MAP7D2: variants seen among roughly 807,000 people sequenced by gnomAD.
MAP7D2 encodes the protein MAP7 domain-containing protein 2.
Under a neutral mutation model 63.5 loss-of-function variants are expected in MAP7D2, and 33 were observed. That is an observed-to-expected ratio of 0.52 (90% CI 0.39 to 0.70). The LOEUF is 0.70. Among genes scored for constraint, MAP7D2 ranks in the 30% least tolerant of loss-of-function variants. The pLI is 0.00. For missense variants in MAP7D2, 626 were observed against 604.0 expected (o/e 1.04, Z -0.38); for synonymous variants, 224 against 223.7 (o/e 1.00, Z -0.01).
intron 1 of MAP7D2, among the ~76,000 whole-genome samples, chrX:20,090,843 G>A (rs1265775608): frequency 9.0e-6 from 1 of 110,922 alleles, no homozygotes; most frequent in East Asian, 2.8e-4. Flanking sequence ...ATGGTGGCAC[G>A]TGACTATGGT....
intron 1 of MAP7D2, among the ~76,000 whole-genome samples, chrX:20,081,438 G>A (rs1603393959): frequency 8.9e-6 from 1 of 111,991 alleles, no homozygotes; most frequent in Non-Finnish European, 1.9e-5. Flanking sequence ...TCTTGAGTAT[G>A]AGCAAGCCAA....
rs1208747143 is a variant in MAP7D2, at chrX:20,094,516, GTATATATATA to G, written c.130+22224_130+22233del. On this transcript the variant is annotated intron_variant, in intron 1 of 16. Coordinates refer to ENST00000379643, the MANE Select transcript of MAP7D2 (RefSeq NM_001168465.2). ...TATATATATATATATATATATATATGTATATATATATATATATATATATATGTATATATAT... is the reference window on the plus strand; with the variant it reads ...TATATATATATATATATATATATATGTATATATATATATATGTATATATAT... 4.2e-4 allele frequency among the ~76,000 whole-genome samples: 5 copies of G among 11,884 alleles called. 2 individuals are homozygous for G. The highest frequency in any genetic ancestry group is 5.7e-4 in the Non-Finnish European group (5 of 8,698). 10.3% of individuals were successfully genotyped at this position (11,884 alleles called of 115,157 possible).
intron 1 of MAP7D2, among the ~76,000 whole-genome samples, chrX:20,105,474 T>A (rs775273659): frequency 9.0e-6 from 1 of 111,578 alleles, no homozygotes; most frequent in South Asian, 3.8e-4. Context: ...AGGCCATCTG[T>A]AACTAATGGC....
chrX:20,035,771 G>T (rs1205896073), intron 8 of MAP7D2, among the ~76,000 whole-genome samples: 1 of 110,026 alleles, frequency 9.1e-6, no homozygotes, highest in Non-Finnish European at 1.9e-5. Flanking sequence ...AAATTAGGTG[G>T]GTGTGGTGGC....
At chrX:20,072,898 T>G (rs942610762) in intron 1 of MAP7D2, among the ~76,000 whole-genome samples, 3 of 112,366 alleles carry the variant, frequency 2.7e-5, no homozygotes, top group African/African-American at 9.7e-5. Flanking sequence ...AGATTTCTTT[T>G]GGGAGTGATG....
intron 4 of MAP7D2, chrX:20,055,604 GGAAAAAAAAATTGTGACAGGCCAGACTAA>G (rs1385916534): frequency 3.0e-6 from 1 of 330,334 alleles, no homozygotes; most frequent in Non-Finnish European, 5.1e-6. Flanking sequence ...CACATTGCTA[GGAAAAAAAAATTGTGACAGGCCAGACTAA>G]GAAACCAATT....
At chrX:20,054,223 TA>T (rs1280672404) in intron 4 of MAP7D2, among the ~76,000 whole-genome samples, 1 of 112,464 alleles carries the variant, frequency 8.9e-6, no homozygotes, top group Non-Finnish European at 1.9e-5. Context: ...GTTGAAATTA[TA>T]TGAGTTTTAA....
At chrX:20,029,402 A>C (rs902475167) in intron 8 of MAP7D2, among the ~76,000 whole-genome samples, 1 of 111,932 alleles carries the variant, frequency 8.9e-6, no homozygotes, top group Non-Finnish European at 1.9e-5. Context: ...CATCTAAGTA[A>C]ATGGAAATGC....
chrX:20,013,015 A>G, intron 14 of MAP7D2, 39 bp downstream of exon 14: 2 of 1,107,638 alleles, frequency 1.8e-6, no homozygotes, highest in South Asian at 3.7e-5. Context: ...AGCTTTTGCT[A>G]CTAAAAGGAA....
In MAP7D2 at chrX:20,043,649, A is replaced by T. The variant is rs774315568; in HGVS notation, c.879+715T>A. The stretch of plus-strand genomic sequence containing the variant: ...GTACCAGAACCACTAAGTCACTCTG[A>T]ATTTCTGACCCAAAGAACCCATGAA... On this transcript the variant is annotated intron_variant, in intron 7 of 16. Coordinates refer to ENST00000379643, the MANE Select transcript of MAP7D2 (RefSeq NM_001168465.2). 1.1e-4 allele frequency among the ~76,000 whole-genome samples: 12 copies of T among 112,539 alleles called. No homozygotes were observed. The East Asian group carries it at 3.1e-3, about 29-fold the overall frequency.
chrX:20,093,633 G>C (rs2066129738), intron 1 of MAP7D2, among the ~76,000 whole-genome samples: 1 of 110,494 alleles, frequency 9.1e-6, no homozygotes, highest in Non-Finnish European at 1.9e-5. Context: ...CTCCAGCCTG[G>C]GTGACAGAGT....
chrX:20,064,896 T>C, intron 1 of MAP7D2, 91 bp from the exon 2 acceptor site: 1 of 697,139 alleles, frequency 1.4e-6, no homozygotes, highest in Non-Finnish European at 2.3e-6. Context: ...CACCCGAGTC[T>C]GACTGCACGT....
chrX:20,008,487 T>A (rs2073073571), intron 16 of MAP7D2, 89 bp from the exon 17 acceptor site: 1 of 112,385 alleles, frequency 8.9e-6, no homozygotes, highest in Admixed American at 9.5e-5. Context: ...ACTAAAACGA[T>A]CACAACACAC....
intron 5 of MAP7D2, chrX:20,052,480 ATATAAC>A: frequency 8.3e-6 from 2 of 239,651 alleles, no homozygotes; most frequent in East Asian, 1.1e-4. Context: ...TAAGCCTCCC[ATATAAC>A]TATAACTTAT....
intron 10 of MAP7D2, among the ~76,000 whole-genome samples, chrX:20,019,081 C>A (rs2073536549): frequency 9.1e-6 from 1 of 109,657 alleles, no homozygotes; most frequent in Non-Finnish European, 1.9e-5. Flanking sequence ...AGTTGGAGTG[C>A]AGTGCTGCCA....
In MAP7D2 at chrX:20,110,490, AAAAACC is replaced by A. The variant is rs112983651; in HGVS notation, c.130+6254_130+6259del. 8.5e-4 allele frequency among the ~76,000 whole-genome samples: 93 copies of A among 108,966 alleles called. 1 individual carries two copies. Among genetic ancestry groups the A allele is most frequent in the African/African-American group, 3.0e-3 (90 of 29,819 alleles). 94.6% of individuals were successfully genotyped at this position (108,966 alleles called of 115,157 possible). A position where few individuals can be genotyped will look rare whatever the true frequency, so the allele number is the denominator to read the frequency against. On this transcript the variant is annotated intron_variant, in intron 1 of 16. Coordinates refer to ENST00000379643, the MANE Select transcript of MAP7D2 (RefSeq NM_001168465.2). ...GTGACAGAGCAAGACTCTGTCTCAA[AAAAACC>A]AAAACAAAAACAAAAATGAGCCAGA...
chrX:20,095,282 T>G (rs966722020), intron 1 of MAP7D2, among the ~76,000 whole-genome samples: 9 of 111,990 alleles, frequency 8.0e-5, no homozygotes, highest in African/African-American at 2.9e-4. Flanking sequence ...CTCATGTCTG[T>G]AATCACGGCA....
At position 20,026,042 on chromosome X, in the gene MAP7D2, C is replaced by A. The variant is rs2073831795; in HGVS notation, c.1008-90G>T. On this transcript the variant is annotated intron_variant, in intron 8 of 16. Transcript: ENST00000379643. ...AGACACCTAGTTCCAACAAGCTGAACAATTTCATCCTTCCAGAGGAAGGAA... is the reference window on the plus strand; with the variant it reads ...AGACACCTAGTTCCAACAAGCTGAAAAATTTCATCCTTCCAGAGGAAGGAA... 25 of 992,541 alleles carry A rather than the reference C, an allele frequency of 2.5e-5. No individual in the cohort carries two copies. In the South Asian group the frequency reaches 5.4e-4, roughly 22 times the overall value. The allele number at this position is 992,541 out of a possible 1,213,427, so 81.8% of individuals were successfully genotyped here.
chrX:20,056,839 C>A, intron 3 of MAP7D2, 48 bp from the exon 4 acceptor site: 1 of 1,089,024 alleles, frequency 9.2e-7, no homozygotes, highest in Non-Finnish European at 1.3e-6. Flanking sequence ...ACTACCCAGC[C>A]CCACCACACT....
Sources: gnomAD v4.1 joint callset for allele counts (sites outside exome capture counted in the v4.1 genomes callset) on GRCh38, gnomAD v4.1.1 for gene constraint, MANE v1.5 for transcripts, NCBI Gene and HGNC (gene_info 2026-07-23, HGNC 2026-07-21) for gene names.